WWOX: variants seen among roughly 807,000 people sequenced by gnomAD.
WWOX encodes WW domain-containing oxidoreductase.
In WWOX, 69 loss-of-function variants were observed where a neutral mutation model predicts 46.2. The observed-to-expected ratio is 1.49, with a 90% CI of 1.23 to 1.82. The LOEUF (loss-of-function observed/expected upper bound fraction) is 1.82, where lower values mean the gene tolerates loss of function less well. Among genes scored for constraint, WWOX ranks in the 40% most tolerant of loss-of-function variants. WWOX has a pLI of 0.00. For missense variants in WWOX, 919 were observed against 542.6 expected, an observed-to-expected ratio of 1.69 and a Z score of -6.89; for synonymous variants, 359 against 202.6, an observed-to-expected ratio of 1.77 and a Z score of -6.56.
At chr16:79,118,072 G>T (rs544960627) in intron 8 of WWOX, among the ~76,000 whole-genome samples, 1 of 152,338 alleles carries the variant, frequency 6.6e-6, no homozygotes, top group East Asian at 1.9e-4. Flanking sequence ...CTGGCTTTCA[G>T]CCTATGTCAG....
rs867985798 is a variant in WWOX at position 78,700,894 on chromosome 16, C to A, written c.1056+268142C>A. Among the ~76,000 whole-genome samples the A allele has an allele frequency of 5.3e-5, 8 of 152,144 alleles. No individual in the cohort carries two copies. The South Asian group carries it at 6.2e-4, about 12-fold the overall frequency. On this transcript the variant is annotated intron_variant, in intron 8 of 8. Transcript: ENST00000566780. ...GTTTATTGAAAACCAACCCAAAGGG[C>A]TATGGTGAAAATCATCTCAAAAGGC...
intron 5 of WWOX, among the ~76,000 whole-genome samples, chr16:78,321,412 ATATG>A (rs1392242683): frequency 7.2e-6 from 1 of 138,222 alleles, no homozygotes; most frequent in Non-Finnish European, 1.5e-5. Flanking sequence ...ACGTATATAT[ATATG>A]TGTGTATATA....
At chr16:78,462,242 CTTT>C (rs113100708) in intron 8 of WWOX, among the ~76,000 whole-genome samples, 1 of 147,032 alleles carries the variant, frequency 6.8e-6, no homozygotes, top group African/African-American at 2.5e-5. Flanking sequence ...TGCTCACGCT[CTTT>C]TTTTTTTTTC....
At chr16:78,444,607 G>A (rs2151401192) in intron 8 of WWOX, among the ~76,000 whole-genome samples, 1 of 148,948 alleles carries the variant, frequency 6.7e-6, no homozygotes, top group South Asian at 2.1e-4. Flanking sequence ...TCGGCTCACT[G>A]CAAACCTCTG....
chr16:79,077,484 T>C (rs2048679576), intron 8 of WWOX: 1 of 152,042 alleles, frequency 6.6e-6, no homozygotes, highest in Non-Finnish European at 1.5e-5. Flanking sequence ...ATACAGAACA[T>C]AAGGATGCAA....
At chr16:78,438,861 A>T (rs751375221) in intron 8 of WWOX, among the ~76,000 whole-genome samples, 3 of 152,178 alleles carry the variant, frequency 2.0e-5, no homozygotes, top group Non-Finnish European at 2.9e-5. Context: ...GTTATAAATT[A>T]TAACTAGAAA....
chr16:78,526,686 T>G (rs923013492), intron 8 of WWOX, among the ~76,000 whole-genome samples: 2 of 152,154 alleles, frequency 1.3e-5, no homozygotes, highest in Non-Finnish European at 2.9e-5. Flanking sequence ...GCCCAGGACG[T>G]GTCAAGACTG....
At chr16:78,244,605 G>A (rs141718586) in intron 5 of WWOX, among the ~76,000 whole-genome samples, 18 of 152,248 alleles carry the variant, frequency 1.2e-4, no homozygotes, top group African/African-American at 4.1e-4. Flanking sequence ...ACTATCTCTG[G>A]AAAGGATTAA....
chr16:78,326,696 T>C (rs1340715134), intron 5 of WWOX, among the ~76,000 whole-genome samples: 2 of 151,914 alleles, frequency 1.3e-5, no homozygotes, highest in Admixed American at 1.3e-4. Context: ...TTTTTATCAT[T>C]AAAAGCAACA....
chr16:78,936,036 G>A lies in WWOX; in HGVS notation c.1057-275572G>A, dbSNP rs544148265. Among the ~76,000 whole-genome samples the A allele has an allele frequency of 3.3e-5, 5 of 152,310 alleles. No homozygotes were observed. In the South Asian group the frequency reaches 1.0e-3, roughly 32 times the overall value. On this transcript the variant is annotated intron_variant, in intron 8 of 8. Transcript: ENST00000566780. ...TCTGCCAACACAGTGGGTTTGGAGAGTAGGAGTGAAAGAGTGGAGACTGGC... is the reference window on the plus strand; with the variant it reads ...TCTGCCAACACAGTGGGTTTGGAGAATAGGAGTGAAAGAGTGGAGACTGGC...
intron 5 of WWOX, among the ~76,000 whole-genome samples, chr16:78,216,250 A>G (rs1219034908): frequency 6.6e-6 from 1 of 152,220 alleles, no homozygotes; most frequent in Non-Finnish European, 1.5e-5. Context: ...TTTGGTCTTT[A>G]TAATCCCCAG....
At chr16:79,079,769 G>T (rs1395193243) in intron 8 of WWOX, among the ~76,000 whole-genome samples, 2 of 152,158 alleles carry the variant, frequency 1.3e-5, no homozygotes, top group African/African-American at 2.4e-5. Context: ...TTATTTTGCA[G>T]ACACAACAAA....
chr16:79,144,655 T>C (rs894967878), intron 8 of WWOX, among the ~76,000 whole-genome samples: 7 of 152,358 alleles, frequency 4.6e-5, no homozygotes, highest in African/African-American at 9.6e-5. Context: ...CTTTATAATA[T>C]TAAGTTCGTT....
chr16:79,013,238 A>G (rs550322582), intron 8 of WWOX, among the ~76,000 whole-genome samples: 1 of 152,110 alleles, frequency 6.6e-6, no homozygotes, highest in Non-Finnish European at 1.5e-5. Flanking sequence ...GCATCCTCCC[A>G]CAGGGTCGAG....
chr16:78,391,775 G>C (rs1003539473), intron 6 of WWOX, among the ~76,000 whole-genome samples: 1 of 152,104 alleles, frequency 6.6e-6, no homozygotes, highest in African/African-American at 2.4e-5. Flanking sequence ...TTGAGCTCTG[G>C]GGTGGGCAGA....
chr16:78,115,013 C>G lies in WWOX; in HGVS notation c.268C>G (p.Leu90Val), dbSNP rs537622221. 1 of 1,614,248 alleles carries G rather than the reference C, an allele frequency of 6.2e-7. No individual in the cohort carries two copies. The highest frequency in any genetic ancestry group is 1.7e-5 in the Admixed American group (1 of 60,028). ...AAGAACCACCTACTTGGACCCAAGA[C>G]TGGCGTTTACTGTGGATGATAATCC... ...NKRTTYLDPR[L>V]AFTVDDNPTK... Residue 90 changes from leucine (L) to valine (V), a missense_variant, in exon 4 of 9, where the codon CTG becomes GTG. Coordinates refer to ENST00000566780, the MANE Select transcript of WWOX (RefSeq NM_016373.4).
intron 4 of WWOX, among the ~76,000 whole-genome samples, chr16:78,151,871 C>T (rs994178991): frequency 7.9e-5 from 12 of 152,130 alleles, no homozygotes; most frequent in African/African-American, 2.2e-4. Context: ...GCACGCTGTT[C>T]GGTACTTTGA....
At chr16:78,231,939 T>G (rs9319520) in intron 5 of WWOX, among the ~76,000 whole-genome samples, 36,424 of 152,058 alleles carry the variant, frequency 0.24, 4,567 homozygotes, top group South Asian at 0.38. Flanking sequence ...GTGTTTTTAT[T>G]TAATCATTCA....
At chr16:79,172,136 G>A (rs1161404074) in intron 8 of WWOX, among the ~76,000 whole-genome samples, 2 of 152,000 alleles carry the variant, frequency 1.3e-5, no homozygotes, top group Non-Finnish European at 2.9e-5. Context: ...CATTTTCTTG[G>A]GTTCCTGGTG....
Sources: gnomAD v4.1 joint callset for allele counts (sites outside exome capture counted in the v4.1 genomes callset) on GRCh38, gnomAD v4.1.1 for gene constraint, MANE v1.5 for transcripts, NCBI Gene and HGNC (gene_info 2026-07-23, HGNC 2026-07-21) for gene names.